UNC5B: variants seen among roughly 807,000 people sequenced by gnomAD.
UNC5B encodes unc-5 netrin receptor B.
In UNC5B, 56 loss-of-function variants were observed where a neutral mutation model predicts 103.7. The observed-to-expected ratio is 0.54, with a 90% CI of 0.44 to 0.67. The LOEUF is 0.67. Ranked by LOEUF, UNC5B falls within the 30% of genes least tolerant of loss-of-function variation. The pLI is 0.00. For synonymous variants in UNC5B, 577 were observed against 542.0 expected, an observed-to-expected ratio of 1.06 and a Z score of -0.90; for missense variants, 1,194 against 1,284.5, an observed-to-expected ratio of 0.93 and a Z score of 1.08.
rs1296797473 is a variant in UNC5B, at chr10:71,267,008, G to A, written c.80-12813G>A. ...CAGTGGCTGTCTCCATTATCAGATC[G>A]AAAAAAAAATCATCTGTCTAGAGCT... On this transcript the variant is annotated intron_variant, in intron 1 of 16. Coordinates refer to ENST00000335350, the MANE Select transcript of UNC5B (RefSeq NM_170744.5). Among the ~76,000 whole-genome samples, 7 of 150,300 alleles carry A rather than the reference G, an allele frequency of 4.7e-5. 1 individual carries two copies. Among genetic ancestry groups the A allele is most frequent in the South Asian group, 4.2e-4 (2 of 4,736 alleles).
intron 1 of UNC5B, among the ~76,000 whole-genome samples, chr10:71,236,716 C>T (rs143717624): frequency 4.5e-4 from 68 of 152,354 alleles, no homozygotes; most frequent in Non-Finnish European, 7.5e-4. Flanking sequence ...CCTTGGTTTC[C>T]TCTCTGTGCA....
At position 71,300,285 on chromosome 10, in the gene UNC5B, T is replaced by G. The variant is rs890312699; in HGVS notation, c.*1008T>G. 23 of 151,808 alleles carry G rather than the reference T, an allele frequency of 1.5e-4. No individual in the cohort carries two copies. The highest frequency in any genetic ancestry group is 5.3e-4 in the African/African-American group (22 of 41,288). 9.4% of individuals were successfully genotyped at this position (151,808 alleles called of 1,614,324 possible). ...AGCCAAGGAGTGCTGAGGGCTGGAG[T>G]GGGTGGGCCCTCCCTCCCACAGCCC... On this transcript the variant is annotated 3_prime_UTR_variant, in exon 17 of 17. Transcript: ENST00000335350.
intron 1 of UNC5B, among the ~76,000 whole-genome samples, chr10:71,235,656 G>A (rs939093649): frequency 7.9e-5 from 12 of 152,192 alleles, no homozygotes; most frequent in Admixed American, 7.2e-4. Context: ...GGTCCTAGGG[G>A]GTTCCCGGAG....
chr10:71,286,873 C>G lies in UNC5B; in HGVS notation c.733+4C>G, dbSNP rs556298114. On this transcript the variant is annotated splice_donor_region_variant and intron_variant, in intron 5 of 16. Coordinates refer to ENST00000335350, the MANE Select transcript of UNC5B (RefSeq NM_170744.5). ...ACTGCCACCGTCATCGTCTACGGTG[C>G]GGGCCTTTCGGAGTGGGAGGGGCAG... 1 of 1,611,964 alleles carries G rather than the reference C, an allele frequency of 6.2e-7. No individual in the cohort carries two copies. The highest frequency in any genetic ancestry group is 1.1e-5 in the South Asian group (1 of 90,908).
chr10:71,264,040 A>T (rs181454373), intron 1 of UNC5B, among the ~76,000 whole-genome samples: 1 of 152,334 alleles, frequency 6.6e-6, no homozygotes, highest in East Asian at 1.9e-4. Flanking sequence ...ATAAGAAAAT[A>T]ACTCTTTATC....
intron 1 of UNC5B, among the ~76,000 whole-genome samples, chr10:71,255,840 CTG>C (rs1350442048): frequency 1.3e-5 from 2 of 152,230 alleles, no homozygotes; most frequent in African/African-American, 4.8e-5. Flanking sequence ...AGCCAAAGGG[CTG>C]TCTCTGTCCA....
chr10:71,289,834 C>T (rs1348524017), intron 8 of UNC5B, among the ~76,000 whole-genome samples: 1 of 152,196 alleles, frequency 6.6e-6, no homozygotes, highest in African/African-American at 2.4e-5. Context: ...GGACAGAAGT[C>T]GGAAGTGGGC....
intron 6 of UNC5B, 101 bp downstream of exon 6, chr10:71,287,866 GC>G: frequency 2.7e-6 from 4 of 1,472,538 alleles, no homozygotes; most frequent in Non-Finnish European, 3.6e-6. Flanking sequence ...AGCATGGGGA[GC>G]AGAAGGTGCT....
chr10:71,284,311 A>G (rs1252664017), intron 2 of UNC5B, among the ~76,000 whole-genome samples: 1 of 152,060 alleles, frequency 6.6e-6, no homozygotes, highest in Non-Finnish European at 1.5e-5. Flanking sequence ...AGGGAACATG[A>G]GGGCCTGGAA....
chr10:71,281,914 T>C (rs1017671735), intron 2 of UNC5B, among the ~76,000 whole-genome samples: 2 of 152,148 alleles, frequency 1.3e-5, no homozygotes, highest in Non-Finnish European at 2.9e-5. Context: ...TCTCAAACGG[T>C]CCTTACCTCT....
intron 1 of UNC5B, 99 bp from the exon 2 acceptor site, chr10:71,279,722 C>G (rs1844866774): frequency 1.5e-6 from 2 of 1,337,894 alleles, no homozygotes; most frequent in South Asian, 1.4e-5. Flanking sequence ...CTCTGCCTCC[C>G]CTGTCCTCTT....
intron 1 of UNC5B, among the ~76,000 whole-genome samples, chr10:71,225,866 G>GCCA (rs368101764): frequency 6.6e-6 from 1 of 152,090 alleles, no homozygotes; most frequent in Non-Finnish European, 1.5e-5. Context: ...AGGACACCCT[G>GCCA]CAGACACTAC....
intron 1 of UNC5B, among the ~76,000 whole-genome samples, chr10:71,248,124 C>T (rs1462030515): frequency 6.6e-6 from 1 of 152,106 alleles, no homozygotes; most frequent in Non-Finnish European, 1.5e-5. Flanking sequence ...CTGGTTTCAC[C>T]CTGGGAACCA....
chr10:71,291,227 T>C, intron 9 of UNC5B, 118 bp downstream of exon 9: 3 of 1,368,700 alleles, frequency 2.2e-6, no homozygotes, highest in South Asian at 2.8e-5. Flanking sequence ...CAGAGTTTGC[T>C]CTAGAGATAA....
At chr10:71,244,985 A>T (rs1373275750) in intron 1 of UNC5B, among the ~76,000 whole-genome samples, 2 of 152,166 alleles carry the variant, frequency 1.3e-5, no homozygotes, top group African/African-American at 2.4e-5. Flanking sequence ...GTGTGTGTTT[A>T]TTTTGGACAG....
chr10:71,260,095 T>G (rs1212781180), intron 1 of UNC5B, among the ~76,000 whole-genome samples: 1 of 152,204 alleles, frequency 6.6e-6, no homozygotes, highest in East Asian at 1.9e-4. Context: ...GCAGAGGCAC[T>G]GATGCCCTCT....
chr10:71,270,179 G>A (rs1160993021), intron 1 of UNC5B, among the ~76,000 whole-genome samples: 6 of 151,994 alleles, frequency 3.9e-5, no homozygotes, highest in African/African-American at 1.2e-4. Flanking sequence ...GTGAAACCCC[G>A]TGTCTACTAA....
chr10:71,302,067 A>G lies in UNC5B; in HGVS notation c.*2790A>G, dbSNP rs1216080542. ...TGGGAGGGTTCAAACCATCAGCTCT[A>G]TGAGAAATGCCCAGAAAGGCTTTGC... is the stretch of plus-strand genomic sequence containing the variant. On this transcript the variant is annotated 3_prime_UTR_variant, in exon 17 of 17. Transcript: ENST00000335350. 1.3e-5 allele frequency: 2 copies of G among 152,226 alleles called. No homozygotes were observed. Among genetic ancestry groups the G allele is most frequent in the African/African-American group, 4.8e-5 (2 of 41,454 alleles). The allele number at this position is 152,226 out of a possible 1,614,324, so 9.4% of individuals were successfully genotyped here.
rs374184088 is a variant in UNC5B, at chr10:71,279,486, G to A, written c.80-335G>A. Among the ~76,000 whole-genome samples the A allele has an allele frequency of 2.6e-5, 4 of 152,192 alleles. No individual in the cohort carries two copies. The East Asian group carries it at 7.7e-4, about 29-fold the overall frequency. On this transcript the variant is annotated intron_variant, in intron 1 of 16. Transcript: ENST00000335350. The stretch of plus-strand genomic sequence containing the variant: ...GACAGTGGAGCAGACGTTGTGGGGG[G>A]GCCCAAGGGGTGTCCTCACCCAGAC...
Sources: gnomAD v4.1 joint callset for allele counts (sites outside exome capture counted in the v4.1 genomes callset) on GRCh38, gnomAD v4.1.1 for gene constraint, MANE v1.5 for transcripts, NCBI Gene and HGNC (gene_info 2026-07-23, HGNC 2026-07-21) for gene names.